The following SUSD2 variants were observed in gnomAD, a reference collection of about 807,000 sequenced individuals.
SUSD2 encodes the protein sushi domain containing 2.
SUSD2 carries 86 observed loss-of-function variants against 93.8 expected under a neutral mutation model. The observed-to-expected ratio is 0.92, with a 90% CI of 0.77 to 1.10. The LOEUF is 1.10. Among genes scored for constraint, SUSD2 ranks in the 50% least tolerant of loss-of-function variants. The pLI, the probability that SUSD2 is intolerant of heterozygous loss-of-function variation, is 0.00. For missense variants in SUSD2, 1,060 were observed against 1,137.0 expected (o/e 0.93, Z 0.97); for synonymous variants, 483 against 485.0 (o/e 1.00, Z 0.05).
rs2047379244 is a variant in SUSD2 at position 24,187,705 on chromosome 22, G to C, written c.2026G>C (p.Ala676Pro). Residue 676 changes from alanine (A) to proline (P), a missense_variant, in exon 12 of 15, where the codon GCA becomes CCA. Physicochemically the swap from Ala to Pro is conservative, Grantham distance 27. Coordinates refer to ENST00000358321, the MANE Select transcript of SUSD2 (RefSeq NM_019601.4). ...TGAGACCACCCTCAACCCCAGCCTG[G>C]CACAAGAGGCAGCCAAACTATGTGG... is the stretch of plus-strand genomic sequence containing the variant. The part of the protein sequence containing the change: ...PSETTLNPSL[A>P]QEAAKLCGDD... 1 of 1,614,078 alleles carries C rather than the reference G, an allele frequency of 6.2e-7. No individual in the cohort carries two copies. The highest frequency in any genetic ancestry group is 8.5e-7 in the Non-Finnish European group (1 of 1,180,036).
chr22:24,184,099 C>T lies in SUSD2; in HGVS notation c.440-37C>T, dbSNP rs769386319. The T allele has an allele frequency of 6.2e-6, 10 of 1,607,270 alleles. No homozygotes were observed. The Middle Eastern group carries it at 6.7e-4, about 108-fold the overall frequency. ...AGGGCCTCCTCCCTGCTTCCCTGGG[C>T]CCAGGCCCTCACTCACCCCTCACCT... On this transcript the variant is annotated intron_variant, in intron 3 of 14. Transcript: ENST00000358321.
chr22:24,187,770 G>C lies in SUSD2; in HGVS notation c.2091G>C (p.Gly697=). The change falls in exon 12 of 15, where the codon GGG becomes GGC. Residue 697 remains glycine, a synonymous_variant. Transcript: ENST00000358321. ...HFCNFDVAAT[G]SLSTGTATRV... ...GCAACTTTGATGTGGCAGCCACTGGGAGCCTGAGCACGGGCACTGCCACTC... is the reference window on the plus strand; with the variant it reads ...GCAACTTTGATGTGGCAGCCACTGGCAGCCTGAGCACGGGCACTGCCACTC... 2 of 1,613,906 alleles carry C rather than the reference G, an allele frequency of 1.2e-6. No individual in the cohort carries two copies. The highest frequency in any genetic ancestry group is 1.7e-6 in the Non-Finnish European group (2 of 1,180,030).
Position 24,186,433 on chromosome 22 carries a change from G to T in SUSD2, c.1642+18G>T. ...CCTGAAAGGTGAGCAGTCCAGCCAC[G>T]CGAGGCTGCGGGCTGCCCTCACCTC... On this transcript the variant is annotated intron_variant, in intron 10 of 14. Coordinates refer to ENST00000358321, the MANE Select transcript of SUSD2 (RefSeq NM_019601.4). 9 of 1,610,868 alleles carry T rather than the reference G, an allele frequency of 5.6e-6. No homozygotes were observed. Among genetic ancestry groups the T allele is most frequent in the South Asian group, 1.1e-5 (1 of 90,910 alleles).
Position 24,188,145 on chromosome 22 carries a change from C to A in SUSD2, c.2341+10C>A. The A allele has an allele frequency of 6.2e-7, 1 of 1,610,610 alleles. No individual in the cohort carries two copies. On this transcript the variant is annotated intron_variant, in intron 13 of 14. Coordinates refer to ENST00000358321, the MANE Select transcript of SUSD2 (RefSeq NM_019601.4). This position sits in a 1 kb window ranked among gnomAD's most constrained non-coding sequence, Gnocchi z 4.7. The stretch of plus-strand genomic sequence containing the variant: ...CCGAAGTGCCAGCCAGGTGAGGACA[C>A]TCTGCTCATACACCTGCCTGCACCT...
At position 24,184,959 on chromosome 22, in the gene SUSD2, G is replaced by A. The variant is rs1466806368; in HGVS notation, c.782+19G>A. 5 of 1,612,422 alleles carry A rather than the reference G, an allele frequency of 3.1e-6. No individual in the cohort carries two copies. Among genetic ancestry groups the A allele is most frequent in the Non-Finnish European group, 4.2e-6 (5 of 1,179,262 alleles). On this transcript the variant is annotated intron_variant, in intron 5 of 14. Coordinates refer to ENST00000358321, the MANE Select transcript of SUSD2 (RefSeq NM_019601.4). ...GGCAGAAGTAAGAAGGCATGGATGTGCAGGTGATGGCTGGAGGGCCTCGCC... is the reference window on the plus strand; with the variant it reads ...GGCAGAAGTAAGAAGGCATGGATGTACAGGTGATGGCTGGAGGGCCTCGCC...
intron 1 of SUSD2, among the ~76,000 whole-genome samples, 184 bp downstream of exon 1, chr22:24,181,779 T>A (rs2047327379): frequency 6.6e-6 from 1 of 152,152 alleles, no homozygotes; most frequent in Non-Finnish European, 1.5e-5. Flanking sequence ...ATGGGAGGTC[T>A]GAGCCGGGCC....
In SUSD2 at chr22:24,188,023, G is replaced by A. The variant is rs374180020; in HGVS notation, c.2229G>A (p.Ala743=). The A allele has an allele frequency of 4.5e-5, 72 of 1,612,946 alleles. 1 individual carries two copies. The highest frequency in any genetic ancestry group is 3.2e-4 in the South Asian group (29 of 91,090). Residue 743 remains alanine, a synonymous_variant, in exon 13 of 15, where the codon GCG becomes GCA. Coordinates refer to ENST00000358321, the MANE Select transcript of SUSD2 (RefSeq NM_019601.4). The surrounding 1 kb of genome is among the most constrained non-coding windows in gnomAD (Gnocchi z 4.7). ...AAAAGGAGGGCAACAGGTACCTGGC[G>A]GGTTCCACCATCTACTTCCACTGTG... The part of the protein sequence containing the change: ...NGQKEGNRYL[A]GSTIYFHCDN...
rs2047382764 is a variant in SUSD2 at position 24,188,081 on chromosome 22, A to G, written c.2287A>G (p.Ser763Gly). Residue 763 changes from serine to glycine, a missense_variant, in exon 13 of 15, where the codon AGC (serine) becomes GGC (glycine). Ser to Gly is a moderately conservative substitution (Grantham distance 56, BLOSUM62 0). Coordinates refer to ENST00000358321, the MANE Select transcript of SUSD2 (RefSeq NM_019601.4). This position sits in a 1 kb window ranked among gnomAD's most constrained non-coding sequence, Gnocchi z 4.7. ...CTACAGCCTGGCCGGGGCAGAGACCAGCACCTGCCAGGCTGACGGCACCTG... is the reference window on the plus strand; with the variant it reads ...CTACAGCCTGGCCGGGGCAGAGACCGGCACCTGCCAGGCTGACGGCACCTG... ...NGYSLAGAET[S>G]TCQADGTWSS... 1 of 1,612,814 alleles carries G rather than the reference A, an allele frequency of 6.2e-7. No individual in the cohort carries two copies. Among genetic ancestry groups the G allele is most frequent in the African/African-American group, 1.3e-5 (1 of 75,006 alleles).
rs2047332618 is a variant in SUSD2, at chr22:24,182,764, G to C, written c.77-293G>C. The C allele has an allele frequency of 1.6e-5, 6 of 367,580 alleles. No individual in the cohort carries two copies. The South Asian group carries it at 1.9e-4, about 12-fold the overall frequency. The allele number at this position is 367,580 out of a possible 1,614,324, so 22.8% of individuals were successfully genotyped here. ...GTGGCTGAAGGGCAGTCATGCCCAGGGGCTTCTCCTGACCCTGCAGGGCTG... is the reference window on the plus strand; with the variant it reads ...GTGGCTGAAGGGCAGTCATGCCCAGCGGCTTCTCCTGACCCTGCAGGGCTG... On this transcript the variant is annotated intron_variant, in intron 1 of 14. Coordinates refer to ENST00000358321, the MANE Select transcript of SUSD2 (RefSeq NM_019601.4).
In SUSD2 at chr22:24,188,474, C is replaced by T. The variant is rs1195753338; in HGVS notation, c.*38C>T. On this transcript the variant is annotated 3_prime_UTR_variant, in exon 15 of 15. Coordinates refer to ENST00000358321, the MANE Select transcript of SUSD2 (RefSeq NM_019601.4). The surrounding 1 kb of genome is among the most constrained non-coding windows in gnomAD (Gnocchi z 4.7). ...GGCTGTGAGCACCAGGCCAAGACTC[C>T]TGAGAACAGGCAGCCCAGTCCTGCG... 1.2e-6 allele frequency: 2 copies of T among 1,600,908 alleles called. No individual in the cohort carries two copies. The highest frequency in any genetic ancestry group is 1.7e-6 in the Non-Finnish European group (2 of 1,174,276).
chr22:24,188,214 T>C lies in SUSD2; in HGVS notation c.2342-11T>C. The C allele has an allele frequency of 6.3e-7, 1 of 1,591,688 alleles. No individual in the cohort carries two copies. Among genetic ancestry groups the C allele is most frequent in the Non-Finnish European group, 8.6e-7 (1 of 1,166,008 alleles). The stretch of plus-strand genomic sequence containing the variant: ...AGAGAGCCCCCTCACTGACACTCGC[T>C]CCCTCACCAGGACGCAGCTACGCGG... On this transcript the variant is annotated splice_polypyrimidine_tract_variant and intron_variant, in intron 13 of 14. Transcript: ENST00000358321. The surrounding 1 kb of genome is among the most constrained non-coding windows in gnomAD (Gnocchi z 4.7).
chr22:24,183,045 C>A lies in SUSD2; in HGVS notation c.77-12C>A. On this transcript the variant is annotated splice_polypyrimidine_tract_variant and intron_variant, in intron 1 of 14. Coordinates refer to ENST00000358321, the MANE Select transcript of SUSD2 (RefSeq NM_019601.4). ...ACCCGCCGGGCCAGGCCCTCAGCAT[C>A]CTCTCCTCCAGATGCCCAAGAGAGC... 1.2e-6 allele frequency: 2 copies of A among 1,611,732 alleles called. No individual in the cohort carries two copies. The highest frequency in any genetic ancestry group is 1.7e-6 in the Non-Finnish European group (2 of 1,179,240).
intron 2 of SUSD2, 108 bp from the exon 3 acceptor site, chr22:24,183,387 C>T: frequency 1.3e-6 from 2 of 1,530,480 alleles, no homozygotes. Flanking sequence ...GGCAGGAGGG[C>T]ACAGGGACAG....
chr22:24,185,188 TGCCAG>T lies in SUSD2; in HGVS notation c.881_885del (p.Gln294LeufsTer28). 6.2e-7 allele frequency: 1 copy of T among 1,611,892 alleles called. No homozygotes were observed. The highest frequency in any genetic ancestry group is 8.5e-7 in the Non-Finnish European group (1 of 1,179,792). Reference sequence around the variant, plus strand: ...CCCTGTGGCCTGGGCACGAACTCAGTGCCAGGCCTGGGAGGAGCTGGAGGATCAGC... The same window carrying T: ...CCCTGTGGCCTGGGCACGAACTCAGTGCCTGGGAGGAGCTGGAGGATCAGC... On this transcript the variant is annotated frameshift_variant, in exon 6 of 15. Transcript: ENST00000358321. LOFTEE classifies it high-confidence loss of function.
intron 4 of SUSD2, 110 bp downstream of exon 4, chr22:24,184,413 G>C (rs1985047): frequency 0.075 from 87,877 of 1,169,520 alleles, 3,975 homozygotes; most frequent in African/African-American, 0.19. Context: ...GTGGGGTTGA[G>C]GAGGGAAGGG....
Position 24,188,380 on chromosome 22 carries a change from C to G in SUSD2, c.2445-32C>G. 1 of 1,611,274 alleles carries G rather than the reference C, an allele frequency of 6.2e-7. No individual in the cohort carries two copies. The highest frequency in any genetic ancestry group is 8.5e-7 in the Non-Finnish European group (1 of 1,179,806). On this transcript the variant is annotated intron_variant, in intron 14 of 14. Coordinates refer to ENST00000358321, the MANE Select transcript of SUSD2 (RefSeq NM_019601.4). The surrounding 1 kb of genome is among the most constrained non-coding windows in gnomAD (Gnocchi z 4.7). ...ACCCCGAGACAGCCGGTGGGACCAC[C>G]GAGGCTACTTCTAACTGCGTTTCTG... is the stretch of plus-strand genomic sequence containing the variant.
rs2047351148 is a variant in SUSD2, at chr22:24,184,938, GAAGT to G, written c.782+2_782+5del. 1.9e-6 allele frequency: 3 copies of G among 1,613,690 alleles called. No homozygotes were observed. Among genetic ancestry groups the G allele is most frequent in the Non-Finnish European group, 1.7e-6 (2 of 1,179,862 alleles). ...TCGACAGCAAAAATTACGCAGGGCA[GAAGT>G]AAGAAGGCATGGATGTGCAGGTGAT... On this transcript the variant is annotated splice_donor_variant and coding_sequence_variant, in exon 5 of 15. Transcript: ENST00000358321. LOFTEE classifies it high-confidence loss of function.
rs748575371 is a variant in SUSD2 at position 24,185,739 on chromosome 22, C to G, written c.1149C>G (p.Gly383=). The G allele has an allele frequency of 1.2e-6, 2 of 1,609,120 alleles. No homozygotes were observed. The highest frequency in any genetic ancestry group is 8.5e-7 in the Non-Finnish European group (1 of 1,178,818). Residue 383 remains glycine (G), a synonymous_variant, in exon 8 of 15, where the codon GGC becomes GGG. Transcript: ENST00000358321. ...TCCTGACAGCTGACTCCAGCGGCGG[C>G]AGCACTCCCGACCGCGGCCATGACT... ...TQLLTADSSG[G]STPDRGHDWG... is the part of the protein sequence containing the mutation.
chr22:24,184,619 C>T, intron 4 of SUSD2, 147 bp from the exon 5 acceptor site: 5 of 677,616 alleles, frequency 7.4e-6, no homozygotes, highest in Non-Finnish European at 1.2e-5. Flanking sequence ...GTGATGGTCA[C>T]CCAAGCCGGG....
Sources: allele counts gnomAD v4.1 joint callset (sites outside exome capture counted in the v4.1 genomes callset), GRCh38; gene constraint gnomAD v4.1.1; non-coding constraint Gnocchi (gnomAD v3.1); transcripts MANE v1.5; gene names NCBI Gene and HGNC (gene_info 2026-07-23, HGNC 2026-07-21).